Variants in PYGO2 observed in about 807,000 individuals in gnomAD.
The protein encoded by PYGO2 is pygopus family PHD finger 2, also known as pygopus homolog 2.
Under a neutral mutation model 26.7 loss-of-function variants are expected in PYGO2, and 9 were observed. The observed-to-expected ratio is 0.34, with a 90% CI of 0.20 to 0.59. PYGO2 has a LOEUF of 0.59. Ranked by LOEUF, PYGO2 falls within the 20% of genes least tolerant of loss-of-function variation. The pLI, the probability that PYGO2 is intolerant of heterozygous loss-of-function variation, is 0.84. For missense variants in PYGO2, 538 were observed against 561.5 expected (o/e 0.96, Z 0.42); for synonymous variants, 236 against 219.0 (o/e 1.08, Z -0.68).
At position 154,959,042 on chromosome 1, in the gene PYGO2, G is replaced by A. The variant is rs750298877; in HGVS notation, c.958C>T (p.Pro320Ser). 25 of 1,613,350 alleles carry A rather than the reference G, an allele frequency of 1.5e-5. No homozygotes were observed. The highest frequency in any genetic ancestry group is 2.1e-5 in the Non-Finnish European group (25 of 1,179,930). Residue 320 changes from proline (P) to serine (S), a missense_variant, in exon 3 of 3, where the codon CCC (proline) becomes TCC (serine). Physicochemically the swap from Pro to Ser is moderately conservative, Grantham distance 74 (BLOSUM62 -1). Around this residue, in one of 4 missense-constraint regions of PYGO2, gnomAD observed 381 missense variants for 336.6 expected, o/e 1.13. Transcript: ENST00000368457. This position sits in a 1 kb window ranked among gnomAD's most constrained non-coding sequence, Gnocchi z 4.7. Reference protein sequence around the residue: ...PPGKAGGGSGPQPPPGLVYPC... With the variant: ...PPGKAGGGSGSQPPPGLVYPC... ...TACACCAAGCCTGGGGGAGGCTGGG[G>A]CCCGGAGCCCCCACCTGCCTTGCCA...
rs182720262 is a variant in PYGO2, at chr1:154,958,778, G to T, written c.*1C>A. The stretch of plus-strand genomic sequence containing the variant: ...CACTTCCCTGGGCCACTTCACCAGC[G>T]TCACCCATCGTTAGCAGCCACCAGC... On this transcript the variant is annotated 3_prime_UTR_variant, in exon 3 of 3. Coordinates refer to ENST00000368457, the MANE Select transcript of PYGO2 (RefSeq NM_138300.4). 6.2e-7 allele frequency: 1 copy of T among 1,609,792 alleles called. No homozygotes were observed. Among genetic ancestry groups the T allele is most frequent in the South Asian group, 1.1e-5 (1 of 91,030 alleles).
At chr1:154,960,851 G>T (rs980523160) in intron 2 of PYGO2, 126 bp downstream of exon 2, 1 of 956,752 alleles carries the variant, frequency 1.0e-6, no homozygotes, top group African/African-American at 1.6e-5. Flanking sequence ...AGCAAAGCAA[G>T]AAAGACAGTT....
chr1:154,958,567 T>G lies in PYGO2; in HGVS notation c.*212A>C, dbSNP rs1655248606. 1 of 576,000 alleles carries G rather than the reference T, an allele frequency of 1.7e-6. No individual in the cohort carries two copies. The highest frequency in any genetic ancestry group is 3.0e-5 in the Admixed American group (1 of 32,842). The allele number at this position is 576,000 out of a possible 1,614,324, so 35.7% of individuals were successfully genotyped here. On this transcript the variant is annotated 3_prime_UTR_variant, in exon 3 of 3. Transcript: ENST00000368457. ...AGGGCTTTGGTTTCCTGGATCTCTG[T>G]AGATCTCAACATGTAAGTTTCCCAA...
chr1:154,960,789 G>A (rs558835563), intron 2 of PYGO2, among the ~76,000 whole-genome samples, 188 bp downstream of exon 2: 384 of 152,312 alleles, frequency 2.5e-3, no homozygotes, highest in Non-Finnish European at 4.4e-3. Flanking sequence ...TCATCTCTTA[G>A]GAGAGGATAC....
chr1:154,960,194 G>A (rs1571408241), intron 2 of PYGO2, among the ~76,000 whole-genome samples: 1 of 150,982 alleles, frequency 6.6e-6, no homozygotes, highest in Admixed American at 6.6e-5. Flanking sequence ...GAACCCAGGA[G>A]GCGGAGCTTG....
rs1655264887 is a variant in PYGO2, at chr1:154,959,241, G to A, written c.759C>T (p.Gly253=). ...PFPGPDPGFP[G]PGGEDGGKPL... ...GCTTCCCCCCATCCTCACCACCAGG[G>A]CCAGGAAAGCCAGGGTCCGGACCAG... Residue 253 remains glycine, a synonymous_variant, in exon 3 of 3, where the codon GGC becomes GGT. Transcript: ENST00000368457. The surrounding 1 kb of genome is among the most constrained non-coding windows in gnomAD (Gnocchi z 4.7). 1 of 1,561,742 alleles carries A rather than the reference G, an allele frequency of 6.4e-7. No homozygotes were observed. Among genetic ancestry groups the A allele is most frequent in the East Asian group, 2.3e-5 (1 of 44,368 alleles).
chr1:154,961,481 G>A lies in PYGO2; in HGVS notation c.96C>T (p.Gly32=). The change falls in exon 1 of 3, where the codon GGC becomes GGT. Residue 32 remains glycine, a synonymous_variant. Coordinates refer to ENST00000368457, the MANE Select transcript of PYGO2 (RefSeq NM_138300.4). ...CCCTCGCAGCGCGCTCACCGGCCTT[G>A]CCCTGCTTCCTCCCGGTGCTGGGCG... The part of the protein sequence containing the change: ...PAPPSTGRKQ[G]KAGLQMKSPE... The A allele has an allele frequency of 1.3e-6, 2 of 1,486,448 alleles. No individual in the cohort carries two copies. Among genetic ancestry groups the A allele is most frequent in the East Asian group, 5.7e-5 (2 of 35,096 alleles). The allele number at this position is 1,486,448 out of a possible 1,614,324, so 92.1% of individuals were successfully genotyped here.
chr1:154,959,228 C>G lies in PYGO2; in HGVS notation c.772G>C (p.Asp258His). 1 of 1,567,398 alleles carries G rather than the reference C, an allele frequency of 6.4e-7. No homozygotes were observed. The highest frequency in any genetic ancestry group is 1.4e-5 in the African/African-American group (1 of 73,608). The change falls in exon 3 of 3, where the codon GAT becomes CAT. Residue 258 changes from aspartate (D) to histidine (H), a missense_variant. Asp to His is a moderately conservative substitution (Grantham distance 81). Coordinates refer to ENST00000368457, the MANE Select transcript of PYGO2 (RefSeq NM_138300.4). The surrounding 1 kb of genome is among the most constrained non-coding windows in gnomAD (Gnocchi z 4.7). ...DPGFPGPGGE[D>H]GGKPLNPPAS... ...GGTGGATTCAAGGGCTTCCCCCCAT[C>G]CTCACCACCAGGGCCAGGAAAGCCA...
intron 2 of PYGO2, 84 bp downstream of exon 2, chr1:154,960,893 A>G (rs1655337118): frequency 7.9e-7 from 1 of 1,268,110 alleles, no homozygotes; most frequent in Non-Finnish European, 1.2e-6. Flanking sequence ...GATACAAGAT[A>G]CAAACAGATA....
rs1051379307 is a variant in PYGO2, at chr1:154,957,988, A to C, written c.*791T>G. 15 of 152,758 alleles carry C rather than the reference A, an allele frequency of 9.8e-5. No homozygotes were observed. Among genetic ancestry groups the C allele is most frequent in the African/African-American group, 3.6e-4 (15 of 41,448 alleles). The allele number at this position is 152,758 out of a possible 1,614,324, so 9.5% of individuals were successfully genotyped here. On this transcript the variant is annotated 3_prime_UTR_variant, in exon 3 of 3. Coordinates refer to ENST00000368457, the MANE Select transcript of PYGO2 (RefSeq NM_138300.4). ...GACTTTCAGGACAGCCCAAACTTCA[A>C]ATATTCTGGTCTGTCAGATAACATA...
rs886798519 is a variant in PYGO2, at chr1:154,957,415, G to C, written c.*1364C>G. On this transcript the variant is annotated 3_prime_UTR_variant, in exon 3 of 3. Coordinates refer to ENST00000368457, the MANE Select transcript of PYGO2 (RefSeq NM_138300.4). ...CCAGGAACTGAGAGAAGTGGGGGTAGGGGACCACTAGGTCTTTGCCACTGT... is the reference window on the plus strand; with the variant it reads ...CCAGGAACTGAGAGAAGTGGGGGTACGGGACCACTAGGTCTTTGCCACTGT... 1.3e-5 allele frequency: 2 copies of C among 152,302 alleles called. No individual in the cohort carries two copies. The highest frequency in any genetic ancestry group is 4.8e-5 in the African/African-American group (2 of 41,406). 9.4% of individuals were successfully genotyped at this position (152,302 alleles called of 1,614,324 possible).
intron 1 of PYGO2, 110 bp downstream of exon 1, chr1:154,961,364 G>A: frequency 1.4e-6 from 1 of 721,938 alleles, no homozygotes; most frequent in East Asian, 3.1e-5. Flanking sequence ...TTTCACCTGA[G>A]CCTCCCTTCA....
rs1655205859 is a variant in PYGO2 at position 154,957,040 on chromosome 1, C to G, written c.*1739G>C. On this transcript the variant is annotated 3_prime_UTR_variant, in exon 3 of 3. Transcript: ENST00000368457. ...GAGTCCTTGTCTGGGATTTTAAAAT[C>G]ATTTTATTAATCCAACAGTACAAAA... 3 of 152,310 alleles carry G rather than the reference C, an allele frequency of 2.0e-5. No individual in the cohort carries two copies. The highest frequency in any genetic ancestry group is 6.5e-5 in the Admixed American group (1 of 15,278). The allele number at this position is 152,310 out of a possible 1,614,324, so 9.4% of individuals were successfully genotyped here.
chr1:154,959,461 C>T lies in PYGO2; in HGVS notation c.539G>A (p.Gly180Glu). Reference protein sequence around the residue: ...PLGQNFSPPSGQMMPGPVGGF... With the variant: ...PLGQNFSPPSEQMMPGPVGGF... Reference sequence around the variant, plus strand: ...CCCCACTGGGCCCGGCATCATCTGCCCACTGGGAGGACTAAAGTTTTGACC... The same window carrying T: ...CCCCACTGGGCCCGGCATCATCTGCTCACTGGGAGGACTAAAGTTTTGACC... The change falls in exon 3 of 3, where the codon GGG becomes GAG. Residue 180 changes from glycine (G) to glutamate (E), a missense_variant. Physicochemically the swap from Gly to Glu is moderately conservative, Grantham distance 98 (BLOSUM62 -2). Transcript: ENST00000368457. The surrounding 1 kb of genome is among the most constrained non-coding windows in gnomAD (Gnocchi z 4.7). The T allele has an allele frequency of 6.6e-7, 1 of 1,513,880 alleles. No homozygotes were observed. Among genetic ancestry groups the T allele is most frequent in the Non-Finnish European group, 8.8e-7 (1 of 1,131,704 alleles). 93.8% of individuals were successfully genotyped at this position (1,513,880 alleles called of 1,614,324 possible). A position where few individuals can be genotyped will look rare whatever the true frequency, so the allele number is the denominator to read the frequency against.
Position 154,961,720 on chromosome 1 carries a change from G to A in PYGO2, c.-144C>T, listed in dbSNP as rs1489497556. 5 of 434,740 alleles carry A rather than the reference G, an allele frequency of 1.2e-5. No individual in the cohort carries two copies. The South Asian group carries it at 1.9e-4, about 17-fold the overall frequency. 26.9% of individuals were successfully genotyped at this position (434,740 alleles called of 1,614,324 possible). A position where few individuals can be genotyped will look rare whatever the true frequency, so the allele number is the denominator to read the frequency against. On this transcript the variant is annotated 5_prime_UTR_variant, in exon 1 of 3. Transcript: ENST00000368457. ...TGCGACGACAGGGAAGCGCCGAGCC[G>A]CCGCGCAAACTGCGCGCTCTCTCCA... is the stretch of plus-strand genomic sequence containing the variant.
chr1:154,958,428 A>G lies in PYGO2; in HGVS notation c.*351T>C. ...GGTGTTAGGCACAGGTGTTAGGGGC[A>G]TCCATCATCAGCAGAGGGAACACCC... On this transcript the variant is annotated 3_prime_UTR_variant, in exon 3 of 3. Coordinates refer to ENST00000368457, the MANE Select transcript of PYGO2 (RefSeq NM_138300.4). The G allele has an allele frequency of 3.7e-6, 1 of 267,022 alleles. No individual in the cohort carries two copies. Among genetic ancestry groups the G allele is most frequent in the Non-Finnish European group, 7.3e-6 (1 of 136,438 alleles). 16.5% of individuals were successfully genotyped at this position (267,022 alleles called of 1,614,324 possible). A position where few individuals can be genotyped will look rare whatever the true frequency, so the allele number is the denominator to read the frequency against.
chr1:154,961,684 C>T lies in PYGO2; in HGVS notation c.-108G>A, dbSNP rs1571410976. ...GGCAGCCCAGGCCCCCGAGCTGCAG[C>T]AACCACAAAGTGCGACGACAGGGAA... On this transcript the variant is annotated 5_prime_UTR_variant, in exon 1 of 3. Transcript: ENST00000368457. 2 of 444,688 alleles carry T rather than the reference C, an allele frequency of 4.5e-6. No homozygotes were observed. The highest frequency in any genetic ancestry group is 4.0e-6 in the Non-Finnish European group (1 of 249,996). 27.5% of individuals were successfully genotyped at this position (444,688 alleles called of 1,614,324 possible).
At position 154,957,260 on chromosome 1, in the gene PYGO2, G is replaced by C. The variant is rs955458614; in HGVS notation, c.*1519C>G. Reference sequence around the variant, plus strand: ...CAACAAACACAAGAGTTGAGCAGCGGGGTGGGGGTGGGGGGTTGCCATCTA... The same window carrying C: ...CAACAAACACAAGAGTTGAGCAGCGCGGTGGGGGTGGGGGGTTGCCATCTA... On this transcript the variant is annotated 3_prime_UTR_variant, in exon 3 of 3. Coordinates refer to ENST00000368457, the MANE Select transcript of PYGO2 (RefSeq NM_138300.4). The C allele has an allele frequency of 6.6e-6, 1 of 152,612 alleles. No individual in the cohort carries two copies. Among genetic ancestry groups the C allele is most frequent in the Non-Finnish European group, 1.5e-5 (1 of 68,234 alleles). 9.5% of individuals were successfully genotyped at this position (152,612 alleles called of 1,614,324 possible).
At chr1:154,960,794 G>A (rs977449905) in intron 2 of PYGO2, among the ~76,000 whole-genome samples, 183 bp downstream of exon 2, 2 of 152,180 alleles carry the variant, frequency 1.3e-5, no homozygotes, top group African/African-American at 4.8e-5. Flanking sequence ...TCTTAGGAGA[G>A]GATACTTTCC....
Sources: gnomAD v4.1 joint callset for allele counts (sites outside exome capture counted in the v4.1 genomes callset) on GRCh38, gnomAD v4.1.1 for gene constraint, gnomAD v4.1.1 regional missense constraint, Gnocchi (gnomAD v3.1) non-coding constraint, MANE v1.5 for transcripts, NCBI Gene and HGNC (gene_info 2026-07-23, HGNC 2026-07-21) for gene names.